GNA14: variants seen among roughly 807,000 people sequenced by gnomAD.
GNA14 encodes the protein guanine nucleotide-binding protein subunit alpha-14.
Under a neutral mutation model 42.0 loss-of-function variants are expected in GNA14, and 50 were observed. That is an observed-to-expected ratio of 1.19 (90% confidence interval 0.95 to 1.51). The LOEUF (loss-of-function observed/expected upper bound fraction) is 1.51. GNA14 is among the 40% of genes most tolerant of loss of function. The pLI is 0.00. For synonymous variants in GNA14, 173 were observed against 163.1 expected, an observed-to-expected ratio of 1.06 and a Z score of -0.46; for missense variants, 473 against 446.2, an observed-to-expected ratio of 1.06 and a Z score of -0.54.
At chr9:77,593,190 A>G (rs1381346918) in intron 1 of GNA14, among the ~76,000 whole-genome samples, 2 of 152,172 alleles carry the variant, frequency 1.3e-5, no homozygotes, top group Non-Finnish European at 2.9e-5. Context: ...TTAGCACTTA[A>G]TTTTGTTCTG....
chr9:77,474,366 A>T (rs928853411), intron 2 of GNA14, among the ~76,000 whole-genome samples: 7 of 148,508 alleles, frequency 4.7e-5, no homozygotes, highest in Non-Finnish European at 8.9e-5. Flanking sequence ...TCTACAAAGA[A>T]GATACACAAA....
intron 1 of GNA14, among the ~76,000 whole-genome samples, chr9:77,570,399 C>A (rs919735464): frequency 1.1e-4 from 16 of 152,140 alleles, no homozygotes; most frequent in Admixed American, 5.9e-4. Context: ...TGACTCCTTG[C>A]CCCCACCACT....
In GNA14 at chr9:77,595,923, TG is replaced by T. The variant is rs548949488; in HGVS notation, c.124+51746del. Among the ~76,000 whole-genome samples, 20 of 152,146 alleles carry T rather than the reference TG, an allele frequency of 1.3e-4. No homozygotes were observed. The East Asian group carries it at 2.9e-3, about 22-fold the overall frequency. On this transcript the variant is annotated intron_variant, in intron 1 of 6. Transcript: ENST00000341700. ...ACAAGATATGAGTCCTTTGGAAGAT[TG>T]CCCAAGCACAGGGCTACATTTGTCT...
intron 1 of GNA14, among the ~76,000 whole-genome samples, chr9:77,627,898 C>T (rs528034482): frequency 6.6e-6 from 1 of 152,176 alleles, no homozygotes; most frequent in African/African-American, 2.4e-5. Context: ...CCAGAGCAAT[C>T]AGGCAAGAGA....
chr9:77,430,957 G>A (rs73454044), intron 4 of GNA14, among the ~76,000 whole-genome samples: 1 of 151,500 alleles, frequency 6.6e-6, no homozygotes, highest in South Asian at 2.1e-4. Flanking sequence ...AAGGAAATAT[G>A]ATTCATCTTT....
chr9:77,430,974 A>G (rs1383463621), intron 4 of GNA14, among the ~76,000 whole-genome samples: 1 of 150,888 alleles, frequency 6.6e-6, no homozygotes, highest in African/African-American at 2.5e-5. Context: ...CTTTAAGGAA[A>G]AGACATCGAT....
intron 2 of GNA14, among the ~76,000 whole-genome samples, chr9:77,515,140 A>C (rs1175157173): frequency 6.6e-6 from 1 of 152,026 alleles, no homozygotes; most frequent in Non-Finnish European, 1.5e-5. Context: ...CTCATAAAAA[A>C]ATCACATTCC....
At chr9:77,570,743 G>A (rs1343835527) in intron 1 of GNA14, among the ~76,000 whole-genome samples, 1 of 151,904 alleles carries the variant, frequency 6.6e-6, no homozygotes, top group African/African-American at 2.4e-5. Flanking sequence ...AATTCTTTAG[G>A]TGTATACCTA....
chr9:77,564,885 G>A (rs1265167463), intron 1 of GNA14, among the ~76,000 whole-genome samples: 1 of 151,776 alleles, frequency 6.6e-6, no homozygotes, highest in African/African-American at 2.4e-5. Context: ...TTGGCCACCT[G>A]CCCTGCTTCC....
chr9:77,577,886 T>A (rs1407581030), intron 1 of GNA14, among the ~76,000 whole-genome samples: 2 of 152,236 alleles, frequency 1.3e-5, no homozygotes, highest in African/African-American at 4.8e-5. Context: ...AGAGTTAGTA[T>A]TACTGCAGTA....
chr9:77,454,481 A>G (rs898895604), intron 2 of GNA14, among the ~76,000 whole-genome samples: 1 of 151,870 alleles, frequency 6.6e-6, no homozygotes, highest in Non-Finnish European at 1.5e-5. Flanking sequence ...GACTTTGCTG[A>G]GCTGTTGAAC....
At chr9:77,570,646 G>C (rs1201032003) in intron 1 of GNA14, among the ~76,000 whole-genome samples, 6 of 152,006 alleles carry the variant, frequency 3.9e-5, no homozygotes, top group African/African-American at 9.7e-5. Flanking sequence ...TCAGATTATA[G>C]ACATTTGGGT....
intron 1 of GNA14, among the ~76,000 whole-genome samples, chr9:77,577,123 T>C (rs1823141165): frequency 6.6e-6 from 1 of 152,212 alleles, no homozygotes; most frequent in South Asian, 2.1e-4. Context: ...CCAGAGGTGC[T>C]TGCTAATATG....
intron 1 of GNA14, among the ~76,000 whole-genome samples, chr9:77,618,821 G>C (rs1823875656): frequency 6.7e-6 from 1 of 148,184 alleles, no homozygotes. Flanking sequence ...TTTTAGTAGA[G>C]ACGGGGTTTC....
intron 1 of GNA14, among the ~76,000 whole-genome samples, chr9:77,568,608 G>A (rs1823009926): frequency 6.6e-6 from 1 of 152,208 alleles, no homozygotes; most frequent in South Asian, 2.1e-4. Context: ...ATTCGGATCT[G>A]GCAAATCTGT....
At position 77,618,875 on chromosome 9, in the gene GNA14, C is replaced by T. The variant is rs553537130; in HGVS notation, c.124+28795G>A. ...GTCTCGATCTCCTGACCTCGTGATC[C>T]GCCCGCCTCGGCCTCCCAAAGTGCT... On this transcript the variant is annotated intron_variant, in intron 1 of 6. Transcript: ENST00000341700. Among the ~76,000 whole-genome samples, 6 of 150,894 alleles carry T rather than the reference C, an allele frequency of 4.0e-5. No homozygotes were observed. The South Asian group carries it at 8.4e-4, about 21-fold the overall frequency.
intron 1 of GNA14, among the ~76,000 whole-genome samples, chr9:77,624,879 G>T (rs915318841): frequency 3.9e-5 from 6 of 151,940 alleles, no homozygotes; most frequent in African/African-American, 1.5e-4. Flanking sequence ...TGCCAGCAAG[G>T]GAACAAAATT....
chr9:77,508,785 T>C (rs1442733144), intron 2 of GNA14, among the ~76,000 whole-genome samples: 1 of 152,154 alleles, frequency 6.6e-6, no homozygotes, highest in Non-Finnish European at 1.5e-5. Context: ...AAACATCTTG[T>C]GCCAGAAAAC....
intron 1 of GNA14, among the ~76,000 whole-genome samples, chr9:77,621,083 G>A (rs1823914781): frequency 6.6e-6 from 1 of 151,866 alleles, no homozygotes; most frequent in Admixed American, 6.6e-5. Context: ...ACAGGAGCAT[G>A]CCACCATGTT....
Sources: gnomAD v4.1 joint callset for allele counts (sites outside exome capture counted in the v4.1 genomes callset) on GRCh38, gnomAD v4.1.1 for gene constraint, MANE v1.5 for transcripts, NCBI Gene and HGNC (gene_info 2026-07-23, HGNC 2026-07-21) for gene names.